The following SAFB variants were observed in gnomAD, a reference collection of about 807,000 sequenced individuals.
The protein encoded by SAFB is scaffold attachment factor B.
Under a neutral mutation model 101.6 loss-of-function variants are expected in SAFB, and 15 were observed. The observed-to-expected ratio is 0.15, with a 90% CI of 0.10 to 0.23. The LOEUF (loss-of-function observed/expected upper bound fraction) is 0.23. Ranked by LOEUF, SAFB falls within the 10% of genes least tolerant of loss-of-function variation. The pLI is 1.00. For synonymous variants in SAFB, 449 were observed against 407.5 expected (o/e 1.10, Z -1.23); for missense variants, 930 against 1,104.1 (o/e 0.84, Z 2.23).
chr19:5,647,370 C>G (rs2053848240), intron 5 of SAFB, among the ~76,000 whole-genome samples: 1 of 152,126 alleles, frequency 6.6e-6, no homozygotes, highest in African/African-American at 2.4e-5. Context: ...ACTGTGGACA[C>G]AAGGTGCAGA....
At position 5,661,796 on chromosome 19, in the gene SAFB, A is replaced by C; in HGVS notation, c.2141A>C (p.Tyr714Ser). 1.9e-6 allele frequency: 3 copies of C among 1,548,068 alleles called. No individual in the cohort carries two copies. The highest frequency in any genetic ancestry group is 2.6e-6 in the Non-Finnish European group (3 of 1,148,110). ...CGGCGGCCCGCGGTGCGGCGGCCCTACGACCTGGACCGGTAAGCAGATCCA... is the reference window on the plus strand; with the variant it reads ...CGGCGGCCCGCGGTGCGGCGGCCCTCCGACCTGGACCGGTAAGCAGATCCA... Reference protein sequence around the residue: ...QERRPAVRRPYDLDRRDDAYW... With the variant: ...QERRPAVRRPSDLDRRDDAYW... The change falls in exon 15 of 21, where the codon TAC (tyrosine) becomes TCC (serine). Residue 714 changes from tyrosine to serine, a missense_variant. Physicochemically the swap from Tyr to Ser is moderately radical, Grantham distance 144 (BLOSUM62 -2). Coordinates refer to ENST00000588852, the MANE Select transcript of SAFB (RefSeq NM_001201338.2).
At position 5,667,679 on chromosome 19, in the gene SAFB, C is replaced by A; in HGVS notation, c.2558-141C>A. The A allele has an allele frequency of 1.2e-6, 1 of 806,434 alleles. No individual in the cohort carries two copies. The highest frequency in any genetic ancestry group is 2.1e-6 in the Non-Finnish European group (1 of 487,100). The allele number at this position is 806,434 out of a possible 1,614,324, so 50.0% of individuals were successfully genotyped here. On this transcript the variant is annotated intron_variant, in intron 19 of 20. Transcript: ENST00000588852. The surrounding 1 kb of genome is among the most constrained non-coding windows in gnomAD (Gnocchi z 4.0). ...GGGAGGAAGCTGGACGTCTATGGTC[C>A]CTGTGCCCAGGTGTCTTCCTGGGAC...
rs11360129 is a variant in SAFB, at chr19:5,660,342, C to CTTT, written c.1863-1151_1863-1149dup. On this transcript the variant is annotated intron_variant, in intron 14 of 20. Coordinates refer to ENST00000588852, the MANE Select transcript of SAFB (RefSeq NM_001201338.2). ...TTTTTAAGTAGCTCCCTGCACACAC[C>CTTT]TTTTTTTTTTTTTTTTTTTTTTTTT... Among the ~76,000 whole-genome samples the CTTT allele has an allele frequency of 4.8e-3, 244 of 50,944 alleles. 48 individuals carry two copies. The highest frequency in any genetic ancestry group is 0.015 in the East Asian group (17 of 1,112). The allele number at this position is 50,944 out of a possible 152,430, so 33.4% of individuals were successfully genotyped here. A position where few individuals can be genotyped will look rare whatever the true frequency, so the allele number is the denominator to read the frequency against.
In SAFB at chr19:5,657,234, G is replaced by A. The variant is rs574752285; in HGVS notation, c.1756-7G>A. 33 of 1,611,286 alleles carry A rather than the reference G, an allele frequency of 2.0e-5. 1 individual carries two copies. The East Asian group carries it at 6.9e-4, about 34-fold the overall frequency. ...CTTTAACTTTTTAATGTTCTTTGGT[G>A]AACTAGGCTTCCAAAAGCCAGGATC... On this transcript the variant is annotated splice_polypyrimidine_tract_variant and splice_region_variant and intron_variant, in intron 13 of 20. Transcript: ENST00000588852.
At chr19:5,656,151 T>C (rs2054053882) in intron 13 of SAFB, among the ~76,000 whole-genome samples, 2 of 152,232 alleles carry the variant, frequency 1.3e-5, no homozygotes, top group Admixed American at 6.5e-5. Flanking sequence ...CTAAAAGTTA[T>C]TCATCACATA....
rs1568285815 is a variant in SAFB at position 5,667,903 on chromosome 19, G to C, written c.2624+17G>C. On this transcript the variant is annotated intron_variant, in intron 20 of 20. Coordinates refer to ENST00000588852, the MANE Select transcript of SAFB (RefSeq NM_001201338.2). The surrounding 1 kb of genome is among the most constrained non-coding windows in gnomAD (Gnocchi z 4.0). ...AATGTCAGGGTAAGGCATGCTGGGG[G>C]CGGCGCCCCTTCCCCCTGCTTTGCA... 1.3e-6 allele frequency: 2 copies of C among 1,589,038 alleles called. No homozygotes were observed. Among genetic ancestry groups the C allele is most frequent in the Admixed American group, 3.6e-5 (2 of 56,260 alleles).
chr19:5,654,997 T>G (rs2054022361), intron 13 of SAFB, among the ~76,000 whole-genome samples: 1 of 152,246 alleles, frequency 6.6e-6, no homozygotes, highest in Admixed American at 6.5e-5. Context: ...TGAGTCGGTG[T>G]GTGGCAGTCC....
At chr19:5,661,433 T>C (rs2054200002) in intron 14 of SAFB, 85 bp from the exon 15 acceptor site, 1 of 1,567,352 alleles carries the variant, frequency 6.4e-7, no homozygotes, top group Non-Finnish European at 8.6e-7. Context: ...CTGGAGTCTG[T>C]GCGACCCAGC....
chr19:5,649,093 G>C lies in SAFB; in HGVS notation c.742G>C (p.Val248Leu). ...EQPFAQDTSSVGPDRKLAEEE... is the reference protein window; with the variant it reads ...EQPFAQDTSSLGPDRKLAEEE... ...GCCATTTGCACAGGACACAAGTAGC[G>C]TGGGGCCAGACAGAAAGCTTGCGGA... Residue 248 changes from valine to leucine, a missense_variant, in exon 7 of 21, where the codon GTG becomes CTG. By Grantham distance (32) the Val-to-Leu change is conservative. Around this residue, in one of 7 missense-constraint regions of SAFB, gnomAD observed 130 missense variants for 114.2 expected, o/e 1.14. Coordinates refer to ENST00000588852, the MANE Select transcript of SAFB (RefSeq NM_001201338.2). 2.2e-6 allele frequency: 1 copy of C among 452,488 alleles called. No homozygotes were observed. The highest frequency in any genetic ancestry group is 3.7e-6 in the Non-Finnish European group (1 of 268,482). 28.0% of individuals were successfully genotyped at this position (452,488 alleles called of 1,614,324 possible). A position where few individuals can be genotyped will look rare whatever the true frequency, so the allele number is the denominator to read the frequency against.
chr19:5,634,726 T>C (rs1410461350), intron 2 of SAFB, among the ~76,000 whole-genome samples: 1 of 152,042 alleles, frequency 6.6e-6, no homozygotes, highest in Non-Finnish European at 1.5e-5. Flanking sequence ...GAACAGGCAA[T>C]TTACAAATAA....
At chr19:5,649,571 G>GT (rs568745457) in intron 7 of SAFB, 72 bp downstream of exon 7, 22 of 374,988 alleles carry the variant, frequency 5.9e-5, no homozygotes, top group African/African-American at 3.0e-4. Context: ...CACATAAGCT[G>GT]TTTTTTTCTG....
intron 1 of SAFB, among the ~76,000 whole-genome samples, chr19:5,624,577 C>T (rs531378725): frequency 3.2e-4 from 49 of 152,200 alleles, no homozygotes; most frequent in South Asian, 4.2e-4. Context: ...TGGCCGCCCA[C>T]CCCCCAGCCC....
intron 17 of SAFB, chr19:5,666,734 A>C: frequency 3.0e-5 from 12 of 398,612 alleles, no homozygotes; most frequent in East Asian, 5.3e-5. Context: ...GACCCAGGGA[A>C]TCTCTCTTGT....
intron 11 of SAFB, 86 bp downstream of exon 11, chr19:5,653,506 GC>G: frequency 8.4e-7 from 1 of 1,189,266 alleles, no homozygotes; most frequent in Non-Finnish European, 1.2e-6. Context: ...GCGCTCTGTC[GC>G]CCAGACTGGA....
intron 1 of SAFB, among the ~76,000 whole-genome samples, chr19:5,624,651 G>A (rs370831971): frequency 5.9e-5 from 9 of 151,824 alleles, no homozygotes; most frequent in Non-Finnish European, 2.9e-5. Context: ...GAGATCACAG[G>A]GCTTTATTAT....
At chr19:5,641,274 A>T (rs190536780) in intron 2 of SAFB, among the ~76,000 whole-genome samples, 6 of 152,304 alleles carry the variant, frequency 3.9e-5, no homozygotes, top group Admixed American at 3.9e-4. Flanking sequence ...TGCAACAAAT[A>T]ATTTTTCCCT....
At chr19:5,662,046 G>A (rs1461774880) in intron 15 of SAFB, among the ~76,000 whole-genome samples, 3 of 151,940 alleles carry the variant, frequency 2.0e-5, no homozygotes, top group Non-Finnish European at 2.9e-5. Flanking sequence ...CACCTCTCCC[G>A]GCTAATTTTT....
chr19:5,630,813 G>A (rs1288016527), intron 2 of SAFB, among the ~76,000 whole-genome samples: 3 of 151,990 alleles, frequency 2.0e-5, no homozygotes, highest in Admixed American at 1.3e-4. Flanking sequence ...AATATTTATG[G>A]TTTTATTTTT....
intron 4 of SAFB, among the ~76,000 whole-genome samples, chr19:5,642,766 G>C (rs2053750732): frequency 7.0e-6 from 1 of 143,510 alleles, no homozygotes; most frequent in Non-Finnish European, 1.5e-5. Flanking sequence ...GGGTTCAAGT[G>C]ATCTCCTCCC....
Sources: gnomAD v4.1 joint callset for allele counts (sites outside exome capture counted in the v4.1 genomes callset) on GRCh38, gnomAD v4.1.1 for gene constraint, gnomAD v4.1.1 regional missense constraint, Gnocchi (gnomAD v3.1) non-coding constraint, MANE v1.5 for transcripts, NCBI Gene and HGNC (gene_info 2026-07-23, HGNC 2026-07-21) for gene names.